LNX2: variants seen among roughly 807,000 people sequenced by gnomAD.
LNX2 encodes the protein ligand of Numb protein X 2.
In LNX2, 35 loss-of-function variants were observed where a neutral mutation model predicts 66.2. The observed-to-expected ratio is 0.53, with a 90% CI of 0.40 to 0.70. The LOEUF (loss-of-function observed/expected upper bound fraction) is 0.70, where lower values mean the gene tolerates loss of function less well. Ranked by LOEUF, LNX2 falls within the 30% of genes least tolerant of loss-of-function variation. LNX2 has a pLI of 0.00. For missense variants in LNX2, 791 were observed against 850.8 expected, an observed-to-expected ratio of 0.93 and a Z score of 0.87; for synonymous variants, 337 against 315.6, an observed-to-expected ratio of 1.07 and a Z score of -0.72.
chr13:27,569,349 T>C (rs1955248915), intron 2 of LNX2, 73 bp from the exon 3 acceptor site: 1 of 1,492,234 alleles, frequency 6.7e-7, no homozygotes, highest in Non-Finnish European at 9.1e-7. Context: ...GGAGGGGGAC[T>C]AATAGCTTCT....
chr13:27,579,865 G>A (rs1794994245), intron 2 of LNX2, among the ~76,000 whole-genome samples: 1 of 152,114 alleles, frequency 6.6e-6, no homozygotes, highest in African/African-American at 2.4e-5. Context: ...GGAGGCCTCT[G>A]CCATCATGTT....
At chr13:27,589,000 A>C (rs1435278519) in intron 1 of LNX2, among the ~76,000 whole-genome samples, 1 of 152,230 alleles carries the variant, frequency 6.6e-6, no homozygotes, top group Non-Finnish European at 1.5e-5. Flanking sequence ...AAGAGTGAGA[A>C]AGGCATTGTG....
At position 27,567,628 on chromosome 13, in the gene LNX2, T is replaced by G. The variant is rs1955222765; in HGVS notation, c.855+12A>C. Reference sequence around the variant, plus strand: ...AAAAGGCACAAGTTAACAGAATAATTAAAACTGATACCTGAAGAATCTGGT... The same window carrying G: ...AAAAGGCACAAGTTAACAGAATAATGAAAACTGATACCTGAAGAATCTGGT... On this transcript the variant is annotated intron_variant, in intron 4 of 9. Transcript: ENST00000316334. 6 of 1,611,786 alleles carry G rather than the reference T, an allele frequency of 3.7e-6. No homozygotes were observed. The East Asian group carries it at 1.1e-4, about 30-fold the overall frequency.
intron 3 of LNX2, among the ~76,000 whole-genome samples, chr13:27,568,647 G>A (rs543792504): frequency 6.6e-6 from 1 of 152,212 alleles, no homozygotes; most frequent in African/African-American, 2.4e-5. Flanking sequence ...GTTTAGCACA[G>A]TGCCTGACAC....
chr13:27,605,232 G>C (rs1245755915), intron 1 of LNX2, among the ~76,000 whole-genome samples: 3 of 152,210 alleles, frequency 2.0e-5, no homozygotes, highest in Non-Finnish European at 4.4e-5. Flanking sequence ...GTTTAATAGA[G>C]AGATGAATGG....
intron 4 of LNX2, among the ~76,000 whole-genome samples, 191 bp from the exon 5 acceptor site, chr13:27,562,972 T>C (rs182542624): frequency 1.4e-4 from 22 of 152,302 alleles, no homozygotes; most frequent in Middle Eastern, 6.8e-3. Context: ...TAATATTAAC[T>C]TACAGTGACT....
rs1038843779 is a variant in LNX2 at position 27,607,624 on chromosome 13, G to A, written c.-101+12751C>T. On this transcript the variant is annotated intron_variant, in intron 1 of 9. Coordinates refer to ENST00000316334, the MANE Select transcript of LNX2 (RefSeq NM_153371.4). Reference sequence around the variant, plus strand: ...ATAAAGCACTGTTGAAATACTGACAGGTACAAACTCAAGTTTGTAAAAACT... The same window carrying A: ...ATAAAGCACTGTTGAAATACTGACAAGTACAAACTCAAGTTTGTAAAAACT... Among the ~76,000 whole-genome samples, 4 of 152,134 alleles carry A rather than the reference G, an allele frequency of 2.6e-5. No homozygotes were observed. In the East Asian group the frequency reaches 7.7e-4, roughly 29 times the overall value.
intron 1 of LNX2, among the ~76,000 whole-genome samples, chr13:27,603,956 TAA>T (rs35389487): frequency 9.1e-4 from 121 of 133,386 alleles, no homozygotes; most frequent in Non-Finnish European, 1.0e-3. Context: ...TTCCTTCCCT[TAA>T]AAAAAAAAAA....
chr13:27,563,345 C>T (rs1440779545), intron 4 of LNX2, among the ~76,000 whole-genome samples: 1 of 152,084 alleles, frequency 6.6e-6, no homozygotes, highest in Admixed American at 6.5e-5. Context: ...TGACTTTTAC[C>T]TGAAAGAAAA....
chr13:27,560,858 G>T (rs1364080952), intron 5 of LNX2, among the ~76,000 whole-genome samples: 1 of 151,830 alleles, frequency 6.6e-6, no homozygotes, highest in African/African-American at 2.4e-5. Flanking sequence ...GTACAAAGTG[G>T]AGACCTCTCC....
chr13:27,597,327 AG>A (rs1955609753), intron 1 of LNX2, among the ~76,000 whole-genome samples: 1 of 152,226 alleles, frequency 6.6e-6, no homozygotes, highest in Admixed American at 6.5e-5. Flanking sequence ...ATGCAAGTAT[AG>A]GTGGAAAAGA....
At chr13:27,560,131 G>A (rs748893801) in intron 5 of LNX2, 146 bp from the exon 6 acceptor site, 1 of 549,326 alleles carries the variant, frequency 1.8e-6, no homozygotes, top group Non-Finnish European at 3.0e-6. Flanking sequence ...GGTGGCAAGA[G>A]GAATGAGTTC....
intron 6 of LNX2, among the ~76,000 whole-genome samples, chr13:27,558,547 A>C: frequency 6.6e-6 from 1 of 152,078 alleles, no homozygotes. Context: ...AAATTATAAA[A>C]TTCAATAACA....
intron 7 of LNX2, among the ~76,000 whole-genome samples, chr13:27,554,214 A>G (rs1161744961): frequency 1.3e-5 from 2 of 152,248 alleles, no homozygotes; most frequent in South Asian, 4.1e-4. Flanking sequence ...AAAAGGAAAT[A>G]AAATTACCCC....
At chr13:27,587,540 T>A (rs1298400434) in intron 1 of LNX2, among the ~76,000 whole-genome samples, 1 of 152,212 alleles carries the variant, frequency 6.6e-6, no homozygotes, top group African/African-American at 2.4e-5. Context: ...ATATTGTGCA[T>A]TTGTGGCACT....
At chr13:27,606,823 A>G (rs1399619093) in intron 1 of LNX2, among the ~76,000 whole-genome samples, 1 of 152,188 alleles carries the variant, frequency 6.6e-6, no homozygotes, top group Admixed American at 6.5e-5. Flanking sequence ...AGCATGCACA[A>G]AAAGAAATAA....
intron 1 of LNX2, among the ~76,000 whole-genome samples, chr13:27,611,035 G>A (rs930712586): frequency 3.3e-5 from 5 of 152,186 alleles, no homozygotes; most frequent in Non-Finnish European, 5.9e-5. Flanking sequence ...AAGTGCAACC[G>A]CAATGAAAAA....
At chr13:27,618,592 A>C (rs1247565828) in intron 1 of LNX2, among the ~76,000 whole-genome samples, 1 of 152,202 alleles carries the variant, frequency 6.6e-6, no homozygotes, top group African/African-American at 2.4e-5. Context: ...TGACTGGATA[A>C]AGTCCAAATT....
chr13:27,580,584 T>C (rs781699434), intron 2 of LNX2, among the ~76,000 whole-genome samples: 6 of 152,152 alleles, frequency 3.9e-5, no homozygotes, highest in Non-Finnish European at 8.8e-5. Flanking sequence ...AATCAAATTA[T>C]AAAACTCATC....
Sources: gnomAD v4.1 joint callset for allele counts (sites outside exome capture counted in the v4.1 genomes callset) on GRCh38, gnomAD v4.1.1 for gene constraint, MANE v1.5 for transcripts, NCBI Gene and HGNC (gene_info 2026-07-23, HGNC 2026-07-21) for gene names.